CYTH1: variants seen among roughly 807,000 people sequenced by gnomAD.
The protein encoded by CYTH1 is cytohesin-1.
Under a neutral mutation model 61.8 loss-of-function variants are expected in CYTH1, and 18 were observed. The ratio of observed to expected loss-of-function variants is 0.29; its 90% confidence interval spans 0.20 to 0.43. CYTH1 has a LOEUF of 0.43. Ranked by LOEUF, CYTH1 falls within the 20% of genes least tolerant of loss-of-function variation. CYTH1 has a pLI of 1.00. For synonymous variants in CYTH1, 174 were observed against 184.3 expected (o/e 0.94, Z 0.45); for missense variants, 336 against 510.5 (o/e 0.66, Z 3.29).
chr17:78,727,588 G>T (rs995472267), intron 1 of CYTH1: 12 of 444,332 alleles, frequency 2.7e-5, no homozygotes, highest in Non-Finnish European at 5.7e-5. Context: ...GTGTAAGAAG[G>T]AGCTGACTAG....
At chr17:78,744,468 T>A (rs2093352375) in intron 1 of CYTH1, among the ~76,000 whole-genome samples, 1 of 152,132 alleles carries the variant, frequency 6.6e-6, no homozygotes, top group Non-Finnish European at 1.5e-5. Flanking sequence ...CCGAAGAACA[T>A]CTGCAAGGTG....
At chr17:78,781,929 C>T (rs944660440) in intron 1 of CYTH1, among the ~76,000 whole-genome samples, 1 of 151,280 alleles carries the variant, frequency 6.6e-6, no homozygotes, top group African/African-American at 2.4e-5. Flanking sequence ...CCCGCGAGAC[C>T]GCGAGCCCGG....
chr17:78,702,257 A>C lies in CYTH1; in HGVS notation c.238-17T>G, dbSNP rs2144315314. 2 of 1,592,052 alleles carry C rather than the reference A, an allele frequency of 1.3e-6. No individual in the cohort carries two copies. Among genetic ancestry groups the C allele is most frequent in the Non-Finnish European group, 1.7e-6 (2 of 1,160,388 alleles). ...CTGGATCCCCTAGAAAAAGACAACA[A>C]AGACGCCAATGATGCTTTGCTGGGA... is the stretch of plus-strand genomic sequence containing the variant. On this transcript the variant is annotated splice_polypyrimidine_tract_variant and intron_variant, in intron 4 of 13. Transcript: ENST00000446868.
chr17:78,774,915 CTCTTT>C (rs1451570443), intron 1 of CYTH1, among the ~76,000 whole-genome samples: 3 of 152,230 alleles, frequency 2.0e-5, no homozygotes, highest in South Asian at 2.1e-4. Flanking sequence ...AGAAACTACT[CTCTTT>C]TCTTATCAAA....
chr17:78,731,092 G>A (rs1000117535), intron 1 of CYTH1, among the ~76,000 whole-genome samples: 1 of 152,254 alleles, frequency 6.6e-6, no homozygotes, highest in Middle Eastern at 3.4e-3. Context: ...TAGGGCTACA[G>A]AATCAACGCA....
At chr17:78,773,967 C>T (rs911324443) in intron 1 of CYTH1, among the ~76,000 whole-genome samples, 5 of 151,994 alleles carry the variant, frequency 3.3e-5, no homozygotes, top group African/African-American at 9.7e-5. Flanking sequence ...CACAAATATG[C>T]AAAATAAAAA....
At chr17:78,703,673 C>G (rs534833374) in intron 3 of CYTH1, among the ~76,000 whole-genome samples, 1 of 152,180 alleles carries the variant, frequency 6.6e-6, no homozygotes. Context: ...ATCATACAAA[C>G]AGAATCATAA....
At chr17:78,698,452 C>A in intron 8 of CYTH1, 72 bp from the exon 9 acceptor site, 5 of 1,241,364 alleles carry the variant, frequency 4.0e-6, no homozygotes, top group South Asian at 1.2e-5. Flanking sequence ...TCTCTTCATT[C>A]ATTCCACAAG....
At chr17:78,742,094 A>C (rs1243018045) in intron 1 of CYTH1, among the ~76,000 whole-genome samples, 1 of 152,214 alleles carries the variant, frequency 6.6e-6, no homozygotes, top group Non-Finnish European at 1.5e-5. Context: ...TATCCTGTAA[A>C]ATGCTGCAAC....
chr17:78,722,976 C>T (rs1283868318), intron 1 of CYTH1, among the ~76,000 whole-genome samples: 1 of 152,166 alleles, frequency 6.6e-6, no homozygotes, highest in Non-Finnish European at 1.5e-5. Context: ...TGGCATGTTC[C>T]TAAGTCTCAG....
At chr17:78,777,976 C>T (rs1028981178) in intron 1 of CYTH1, among the ~76,000 whole-genome samples, 5 of 152,192 alleles carry the variant, frequency 3.3e-5, no homozygotes, top group African/African-American at 1.2e-4. Context: ...GTTAACACCA[C>T]AAGAAATGTT....
chr17:78,726,564 C>T (rs997546026), intron 1 of CYTH1, among the ~76,000 whole-genome samples: 21 of 152,040 alleles, frequency 1.4e-4, no homozygotes, highest in African/African-American at 5.1e-4. Context: ...GAGTGGGGCT[C>T]AGAGAAGAGC....
chr17:78,702,453 G>A (rs1274635340), intron 4 of CYTH1, 85 bp downstream of exon 4: 27 of 1,448,270 alleles, frequency 1.9e-5, no homozygotes, highest in South Asian at 3.6e-5. Flanking sequence ...TGTAACGCTT[G>A]GAAAAAAACG....
intron 1 of CYTH1, among the ~76,000 whole-genome samples, chr17:78,744,508 C>A (rs11650134): frequency 2.6e-5 from 4 of 152,118 alleles, no homozygotes; most frequent in Non-Finnish European, 5.9e-5. Flanking sequence ...CTTGTCCAGC[C>A]TCTGCAGGCA....
intron 13 of CYTH1, among the ~76,000 whole-genome samples, chr17:78,679,942 C>T (rs34265441): frequency 0.055 from 8,428 of 152,244 alleles, 442 homozygotes; most frequent in South Asian, 0.16. Context: ...TCACTCGCCT[C>T]TTCCTATTTT....
chr17:78,714,031 T>A (rs1306661667), intron 1 of CYTH1, among the ~76,000 whole-genome samples: 1 of 152,254 alleles, frequency 6.6e-6, no homozygotes, highest in Non-Finnish European at 1.5e-5. Context: ...GGTCCACGCC[T>A]GTAATCCTAG....
intron 11 of CYTH1, chr17:78,691,623 T>C (rs1338875777): frequency 1.3e-5 from 2 of 152,152 alleles, no homozygotes; most frequent in African/African-American, 4.8e-5. Flanking sequence ...AAGACAAAAG[T>C]TCGATGCCAT....
intron 1 of CYTH1, among the ~76,000 whole-genome samples, chr17:78,756,555 G>C (rs1029332697): frequency 6.6e-6 from 1 of 152,136 alleles, no homozygotes; most frequent in Non-Finnish European, 1.5e-5. Flanking sequence ...GTTTGCTAAT[G>C]AGGCTATTTG....
At chr17:78,760,553 ATATG>A (rs1254278805) in intron 1 of CYTH1, among the ~76,000 whole-genome samples, 3 of 27,970 alleles carry the variant, frequency 1.1e-4, no homozygotes, top group Admixed American at 4.2e-4. Context: ...ATGTATATAT[ATATG>A]TATATATATA....
Sources: allele counts gnomAD v4.1 joint callset (sites outside exome capture counted in the v4.1 genomes callset), GRCh38; gene constraint gnomAD v4.1.1; transcripts MANE v1.5; gene names NCBI Gene and HGNC (gene_info 2026-07-23, HGNC 2026-07-21).